The following TBX15 variants were observed in gnomAD, a reference collection of about 807,000 sequenced individuals.
TBX15 encodes T-box transcription factor TBX15.
In TBX15, 18 loss-of-function variants were observed where a neutral mutation model predicts 53.9. The ratio of observed to expected loss-of-function variants is 0.33; its 90% CI spans 0.23 to 0.49. The LOEUF (loss-of-function observed/expected upper bound fraction) is 0.49. TBX15 is among the 20% of genes least tolerant of loss of function. The pLI is 0.98. For missense variants in TBX15, 692 were observed against 749.5 expected (o/e 0.92, Z 0.90); for synonymous variants, 295 against 278.0 (o/e 1.06, Z -0.61).
chr1:118,929,088 A>T (rs1212669442), intron 2 of TBX15, among the ~76,000 whole-genome samples: 5 of 152,196 alleles, frequency 3.3e-5, no homozygotes, highest in Non-Finnish European at 7.4e-5. Flanking sequence ...TTTTAATTTT[A>T]TGGCTAAATT....
chr1:118,956,141 T>C (rs533862624), intron 1 of TBX15, among the ~76,000 whole-genome samples: 58 of 152,316 alleles, frequency 3.8e-4, no homozygotes, highest in African/African-American at 1.3e-3. Flanking sequence ...TTCCACCACC[T>C]TGATCTTGGA....
intron 6 of TBX15, among the ~76,000 whole-genome samples, chr1:118,912,975 C>T (rs1655069413): frequency 2.0e-5 from 3 of 152,112 alleles, no homozygotes; most frequent in South Asian, 2.1e-4. Flanking sequence ...GAGGTGAATA[C>T]CATTTTATTC....
intron 1 of TBX15, among the ~76,000 whole-genome samples, chr1:118,962,696 A>G (rs1656918798): frequency 6.6e-6 from 1 of 152,076 alleles, no homozygotes; most frequent in Non-Finnish European, 1.5e-5. Context: ...GATTTAAGGG[A>G]CTCTCTCTAC....
intron 1 of TBX15, among the ~76,000 whole-genome samples, chr1:118,957,057 T>C (rs1372628970): frequency 6.6e-6 from 1 of 152,146 alleles, no homozygotes; most frequent in Non-Finnish European, 1.5e-5. Flanking sequence ...AGATTCCGAA[T>C]GGGTTCTCTA....
At chr1:118,891,578 C>T (rs1654144332) in intron 7 of TBX15, among the ~76,000 whole-genome samples, 1 of 152,246 alleles carries the variant, frequency 6.6e-6, no homozygotes, top group Admixed American at 6.5e-5. Context: ...TCATATTCCC[C>T]CCTACCACAG....
Position 118,987,630 on chromosome 1 carries a change from T to C in TBX15, c.166A>G (p.Thr56Ala), listed in dbSNP as rs756097812. ...ALSPAGPLGD[T>A]EDAAAHGLEP... ...AGGCCGTGTGCCGCCGCGTCCTCCG[T>C]GTCTCCGAGTGGGCCCGCGGGGCTC... is the stretch of plus-strand genomic sequence containing the variant. The change falls in exon 1 of 8, where the codon ACG (threonine) becomes GCG (alanine). Residue 56 changes from threonine to alanine, a missense_variant. By Grantham distance (58) the Thr-to-Ala change is moderately conservative. Around this residue, in one of 3 missense-constraint regions of TBX15, gnomAD observed 307 missense variants for 347.5 expected, o/e 0.88. Coordinates refer to ENST00000369429, the MANE Select transcript of TBX15 (RefSeq NM_001330677.2). 1.3e-6 allele frequency: 2 copies of C among 1,549,782 alleles called. No homozygotes were observed. Among genetic ancestry groups the C allele is most frequent in the South Asian group, 2.4e-5 (2 of 84,046 alleles).
Position 118,924,812 on chromosome 1 carries a change from A to T in TBX15, c.527T>A (p.Val176Glu), listed in dbSNP as rs752191368. Reference sequence around the variant, plus strand: ...CACCATCCACTTGGAGCTATGATACACATATCTGAGATAAAGAGGAAGAGA... The same window carrying T: ...CACCATCCACTTGGAGCTATGATACTCATATCTGAGATAAAGAGGAAGAGA... ...VPVDNKRYRY[V>E]YHSSKWMVAG... is the part of the protein sequence containing the mutation. The change falls in exon 4 of 8, where the codon GTG becomes GAG. Residue 176 changes from valine (V) to glutamate (E), a missense_variant. Val to Glu is a moderately radical substitution (Grantham distance 121). This residue lies in a region of TBX15 where 307 missense variants were observed against 347.5 expected (regional missense o/e 0.88). Coordinates refer to ENST00000369429, the MANE Select transcript of TBX15 (RefSeq NM_001330677.2). 3 of 1,614,010 alleles carry T rather than the reference A, an allele frequency of 1.9e-6. No homozygotes were observed. Among genetic ancestry groups the T allele is most frequent in the Non-Finnish European group, 2.5e-6 (3 of 1,179,948 alleles).
intron 1 of TBX15, among the ~76,000 whole-genome samples, chr1:118,977,826 A>T (rs1415325260): frequency 2.0e-5 from 3 of 152,200 alleles, no homozygotes; most frequent in Non-Finnish European, 4.4e-5. Flanking sequence ...TAGCATTCTC[A>T]CATCTCTGCC....
chr1:118,913,509 C>A (rs1655092258), intron 6 of TBX15, among the ~76,000 whole-genome samples: 1 of 152,142 alleles, frequency 6.6e-6, no homozygotes, highest in Non-Finnish European at 1.5e-5. Context: ...ACATTTATAG[C>A]AGGAGCAAAT....
chr1:118,978,253 A>G (rs12029383), intron 1 of TBX15, among the ~76,000 whole-genome samples: 9,022 of 152,252 alleles, frequency 0.059, 377 homozygotes, highest in East Asian at 0.19. Context: ...TTTTATTTTT[A>G]TTTTTTGGTC....
chr1:118,933,025 CT>C (rs1388962686), intron 1 of TBX15, among the ~76,000 whole-genome samples: 1 of 152,132 alleles, frequency 6.6e-6, no homozygotes, highest in Non-Finnish European at 1.5e-5. Context: ...AGGGTCAGAG[CT>C]TCTTGAGCAT....
At chr1:118,953,867 G>C (rs1164833676) in intron 1 of TBX15, among the ~76,000 whole-genome samples, 1 of 152,198 alleles carries the variant, frequency 6.6e-6, no homozygotes, top group Non-Finnish European at 1.5e-5. Flanking sequence ...CAGTCAAGGA[G>C]TTGTCTTTAT....
chr1:118,892,197 T>A (rs114859208), intron 7 of TBX15, among the ~76,000 whole-genome samples: 1 of 152,128 alleles, frequency 6.6e-6, no homozygotes, highest in African/African-American at 2.4e-5. Context: ...TTTAGAAAAA[T>A]ACATAATCTC....
chr1:118,983,905 A>T (rs1557910432), intron 1 of TBX15, among the ~76,000 whole-genome samples: 1 of 152,160 alleles, frequency 6.6e-6, no homozygotes, highest in African/African-American at 2.4e-5. Flanking sequence ...ATCACTTTTT[A>T]TTCGTTACTT....
intron 7 of TBX15, among the ~76,000 whole-genome samples, chr1:118,890,465 C>T (rs902587704): frequency 2.0e-5 from 3 of 152,162 alleles, no homozygotes; most frequent in Non-Finnish European, 2.9e-5. Context: ...CAATCTCCTA[C>T]AGCACCAGCT....
chr1:118,963,977 C>G lies in TBX15; in HGVS notation c.205+23614G>C, dbSNP rs1174525407. On this transcript the variant is annotated intron_variant, in intron 1 of 7. Coordinates refer to ENST00000369429, the MANE Select transcript of TBX15 (RefSeq NM_001330677.2). ...GAGAAGAACGGTGGAGACCATCTGA[C>G]AGCCAAAATGGAGACTACAGACATA... is the stretch of plus-strand genomic sequence containing the variant. Among the ~76,000 whole-genome samples the G allele has an allele frequency of 2.0e-5, 3 of 152,308 alleles. No individual in the cohort carries two copies. In the East Asian group the frequency reaches 5.8e-4, roughly 29 times the overall value.
intron 1 of TBX15, among the ~76,000 whole-genome samples, chr1:118,938,895 G>A (rs1395877071): frequency 6.6e-6 from 1 of 152,040 alleles, no homozygotes; most frequent in Non-Finnish European, 1.5e-5. Context: ...TGTATATTAG[G>A]CATTTAACCA....
intron 1 of TBX15, among the ~76,000 whole-genome samples, chr1:118,975,782 T>C (rs1427554312): frequency 2.0e-5 from 3 of 152,240 alleles, no homozygotes; most frequent in Non-Finnish European, 2.9e-5. Context: ...GTTAGAGTTG[T>C]GGACACTGAG....
At chr1:118,929,248 G>A (rs948807612) in intron 2 of TBX15, among the ~76,000 whole-genome samples, 2 of 152,320 alleles carry the variant, frequency 1.3e-5, no homozygotes, top group Admixed American at 6.5e-5. Flanking sequence ...AGTTTGGGGT[G>A]TGGAAGGAGG....
Sources: gnomAD v4.1 joint callset for allele counts (sites outside exome capture counted in the v4.1 genomes callset) on GRCh38, gnomAD v4.1.1 for gene constraint, gnomAD v4.1.1 regional missense constraint, MANE v1.5 for transcripts, NCBI Gene and HGNC (gene_info 2026-07-23, HGNC 2026-07-21) for gene names.